Variants in HEATR5B observed in about 807,000 individuals in gnomAD.
HEATR5B encodes HEAT repeat containing 5B.
In HEATR5B, 156 loss-of-function variants were observed where a neutral mutation model predicts 224.1. The observed-to-expected ratio is 0.70, with a 90% CI of 0.61 to 0.80. The LOEUF is 0.80. Among genes scored for constraint, HEATR5B ranks in the 30% least tolerant of loss-of-function variants. The pLI is 0.00. For synonymous variants in HEATR5B, 1,027 were observed against 893.0 expected (o/e 1.15, Z -2.68); for missense variants, 2,323 against 2,535.5 (o/e 0.92, Z 1.80).
chr2:37,000,955 A>AC (rs1667053326), intron 32 of HEATR5B, 142 bp from the exon 33 acceptor site: 2 of 598,068 alleles, frequency 3.3e-6, no homozygotes, highest in Non-Finnish European at 5.9e-6. Context: ...CTGTATTACT[A>AC]CTACTATAAT....
intron 2 of HEATR5B, among the ~76,000 whole-genome samples, chr2:37,081,494 C>A (rs920257351): frequency 2.6e-5 from 4 of 152,136 alleles, no homozygotes; most frequent in African/African-American, 9.7e-5. Context: ...CTGTTCCCAA[C>A]AGGGAAAGCT....
chr2:37,049,664 A>G lies in HEATR5B; in HGVS notation c.2685T>C (p.Tyr895=). The change falls in exon 18 of 36, where the codon TAT becomes TAC. Residue 895 remains tyrosine, a synonymous_variant. Coordinates refer to ENST00000233099, the MANE Select transcript of HEATR5B (RefSeq NM_019024.3). ...EATFIARMAQ[Y]SFDKLKSARD... is the part of the protein sequence containing the mutation. ...AGAAACCCACTTACTTGTCAAAGCT[A>G]TATTGGGCCATTCTAGCAATAAAAG... 1 of 1,613,688 alleles carries G rather than the reference A, an allele frequency of 6.2e-7. No homozygotes were observed. Among genetic ancestry groups the G allele is most frequent in the Non-Finnish European group, 8.5e-7 (1 of 1,179,856 alleles).
At position 37,028,189 on chromosome 2, in the gene HEATR5B, A is replaced by G. The variant is rs1181420246; in HGVS notation, c.3602-15T>C. 6.4e-7 allele frequency: 1 copy of G among 1,558,536 alleles called. No individual in the cohort carries two copies. The highest frequency in any genetic ancestry group is 8.8e-7 in the Non-Finnish European group (1 of 1,140,200). On this transcript the variant is annotated splice_polypyrimidine_tract_variant and intron_variant, in intron 23 of 35. Coordinates refer to ENST00000233099, the MANE Select transcript of HEATR5B (RefSeq NM_019024.3). ...AGTACTCATATCTATAACAAGAATA[A>G]GGAATATTGTAACAATCTCACATAA...
At chr2:37,010,926 T>C (rs185070386) in intron 27 of HEATR5B, among the ~76,000 whole-genome samples, 16 of 151,516 alleles carry the variant, frequency 1.1e-4, no homozygotes, top group African/African-American at 2.9e-4. Context: ...AAAAAACAAA[T>C]AATACATAGT....
chr2:37,030,659 T>C (rs142285921), intron 22 of HEATR5B, among the ~76,000 whole-genome samples: 2 of 152,372 alleles, frequency 1.3e-5, no homozygotes, highest in African/African-American at 4.8e-5. Flanking sequence ...ACACTGGTTG[T>C]AATTATTATT....
chr2:37,036,463 C>A (rs1031316031), intron 21 of HEATR5B, among the ~76,000 whole-genome samples: 1 of 152,008 alleles, frequency 6.6e-6, no homozygotes, highest in Non-Finnish European at 1.5e-5. Context: ...AATATCATGC[C>A]CTTTGTAAAC....
At chr2:37,055,400 T>C (rs559525366) in intron 16 of HEATR5B, among the ~76,000 whole-genome samples, 1 of 152,328 alleles carries the variant, frequency 6.6e-6, no homozygotes, top group African/African-American at 2.4e-5. Flanking sequence ...TCATAACTAG[T>C]TGTATAACCT....
chr2:37,030,474 C>T (rs1055313650), intron 22 of HEATR5B, among the ~76,000 whole-genome samples: 11 of 152,056 alleles, frequency 7.2e-5, no homozygotes, highest in African/African-American at 2.7e-4. Context: ...GGACAAATTC[C>T]TTAAAAGAAA....
chr2:37,060,229 C>G (rs1671193805), intron 12 of HEATR5B, among the ~76,000 whole-genome samples: 1 of 152,054 alleles, frequency 6.6e-6, no homozygotes, highest in Non-Finnish European at 1.5e-5. Context: ...TTTGGTAATC[C>G]TGAGTTTCTT....
intron 14 of HEATR5B, 76 bp downstream of exon 14, chr2:37,058,375 C>G (rs1201986911): frequency 1.2e-6 from 1 of 833,368 alleles, no homozygotes; most frequent in Non-Finnish European, 2.0e-6. Flanking sequence ...GTGGGAGAGC[C>G]TTTGTCAAGA....
intron 16 of HEATR5B, among the ~76,000 whole-genome samples, chr2:37,055,288 A>G (rs529279237): frequency 2.6e-5 from 4 of 151,834 alleles, no homozygotes; most frequent in African/African-American, 4.8e-5. Flanking sequence ...GTTATTTATT[A>G]TATGTTTATA....
At chr2:37,071,229 TTAA>T (rs1671886285) in intron 6 of HEATR5B, among the ~76,000 whole-genome samples, 1 of 152,096 alleles carries the variant, frequency 6.6e-6, no homozygotes, top group Non-Finnish European at 1.5e-5. Flanking sequence ...GGTTTCACAG[TTAA>T]TAAATATAAG....
At chr2:37,015,953 T>C (rs1056071040) in intron 26 of HEATR5B, among the ~76,000 whole-genome samples, 9 of 151,262 alleles carry the variant, frequency 5.9e-5, no homozygotes, top group Admixed American at 5.3e-4. Context: ...AAGGGACAAG[T>C]AGAATAAGAA....
Position 37,032,757 on chromosome 2 carries a change from G to T in HEATR5B, c.3233C>A (p.Ser1078Tyr). ...AGCTGCTCGTCGAAGTAACAAATGGGAACTACATAAGTGAACCTGTAAATC... is the reference window on the plus strand; with the variant it reads ...AGCTGCTCGTCGAAGTAACAAATGGTAACTACATAAGTGAACCTGTAAATC... Reference protein sequence around the residue: ...VPSLCVHLCSSHLLLRRAAVA... With the variant: ...VPSLCVHLCSYHLLLRRAAVA... The change falls in exon 22 of 36, where the codon TCC becomes TAC. Residue 1078 changes from serine to tyrosine, a missense_variant. Transcript: ENST00000233099. 1 of 1,613,508 alleles carries T rather than the reference G, an allele frequency of 6.2e-7. No homozygotes were observed. The highest frequency in any genetic ancestry group is 1.1e-5 in the South Asian group (1 of 90,896).
At chr2:37,006,954 G>T in intron 29 of HEATR5B, 96 bp downstream of exon 29, 1 of 1,187,758 alleles carries the variant, frequency 8.4e-7, no homozygotes, top group Non-Finnish European at 1.2e-6. Flanking sequence ...TCTCTGAACT[G>T]TGCTATACTG....
chr2:37,071,273 CTCTT>C (rs1020850703), intron 6 of HEATR5B, among the ~76,000 whole-genome samples: 13 of 152,098 alleles, frequency 8.5e-5, no homozygotes, highest in African/African-American at 2.7e-4. Flanking sequence ...ACATCTGGTT[CTCTT>C]TCTATGATAC....
At position 37,000,662 on chromosome 2, in the gene HEATR5B, A is replaced by G; in HGVS notation, c.5469T>C (p.Thr1823=). 6.2e-7 allele frequency: 1 copy of G among 1,614,226 alleles called. No individual in the cohort carries two copies. The highest frequency in any genetic ancestry group is 2.2e-5 in the East Asian group (1 of 44,886). The change falls in exon 33 of 36, where the codon ACT becomes ACC. Residue 1823 remains threonine (T), a synonymous_variant. Transcript: ENST00000233099. ...KSIVTLSMAK[T]EAGVQKQWTA... ...TCCACTGTTTTTGAACGCCAGCCTC[A>G]GTTTTGGCCATTGAAAGTGTCACAA...
chr2:37,049,706 C>G lies in HEATR5B; in HGVS notation c.2643G>C (p.Gln881His). 6.2e-7 allele frequency: 1 copy of G among 1,614,064 alleles called. No individual in the cohort carries two copies. Among genetic ancestry groups the G allele is most frequent in the Non-Finnish European group, 8.5e-7 (1 of 1,180,014 alleles). The change falls in exon 18 of 36, where the codon CAG (glutamine) becomes CAC (histidine). Residue 881 changes from glutamine (Q) to histidine (H), a missense_variant. Physicochemically the swap from Gln to His is conservative, Grantham distance 24. Around this residue, in one of 12 missense-constraint regions of HEATR5B, gnomAD observed 170 missense variants for 216.7 expected, o/e 0.78. Coordinates refer to ENST00000233099, the MANE Select transcript of HEATR5B (RefSeq NM_019024.3). The part of the protein sequence containing the change: ...AAGEALGRMA[Q>H]VVGEATFIAR... ...CAATAAAAGTTGCTTCTCCAACCAC[C>G]TGAGCCATTCTTCCAAGAGCTTCCC...
At position 37,066,383 on chromosome 2, in the gene HEATR5B, C is replaced by A. The variant is rs79689389; in HGVS notation, c.1178-473G>T. Reference sequence around the variant, plus strand: ...ATATAAAGAATTTAACACAATGCTGCCCATAATACACATTCAATAAATGTT... The same window carrying A: ...ATATAAAGAATTTAACACAATGCTGACCATAATACACATTCAATAAATGTT... On this transcript the variant is annotated intron_variant, in intron 8 of 35. Transcript: ENST00000233099. Among the ~76,000 whole-genome samples the A allele has an allele frequency of 2.8e-3, 428 of 152,278 alleles. 6 individuals carry two copies. Among genetic ancestry groups the A allele is most frequent in the African/African-American group, 9.9e-3 (410 of 41,554 alleles).
Sources: gnomAD v4.1 joint callset for allele counts (sites outside exome capture counted in the v4.1 genomes callset) on GRCh38, gnomAD v4.1.1 for gene constraint, gnomAD v4.1.1 regional missense constraint, MANE v1.5 for transcripts, NCBI Gene and HGNC (gene_info 2026-07-23, HGNC 2026-07-21) for gene names.